FAM86B1: variants seen among roughly 807,000 people sequenced by gnomAD.
The protein encoded by FAM86B1 is putative protein N-methyltransferase FAM86B1.
For missense variants in FAM86B1, 13 were observed against 328.1 expected (o/e 0.04, Z 7.42); for synonymous variants, 4 against 137.6 (o/e 0.03, Z 6.79).
At chr8:12,193,169 C>G (rs942581676) in intron 1 of FAM86B1, among the ~76,000 whole-genome samples, 1 of 144,236 alleles carries the variant, frequency 6.9e-6, no homozygotes, top group Non-Finnish European at 1.5e-5. Context: ...ACCTATGATG[C>G]TTTTATGAAG....
At chr8:12,187,519 C>G (rs1184754912) in intron 3 of FAM86B1, among the ~76,000 whole-genome samples, 3 of 1,678 alleles carry the variant, frequency 1.8e-3, no homozygotes, top group Admixed American at 8.2e-3. Context: ...ACTACCACAC[C>G]CCGTTAATTT....
intron 1 of FAM86B1, among the ~76,000 whole-genome samples, chr8:12,192,747 C>G (rs1241650035): frequency 2.1e-5 from 3 of 146,166 alleles, no homozygotes; most frequent in Non-Finnish European, 4.5e-5. Flanking sequence ...TCCATGGTGC[C>G]TGGCTCACGG....
intron 2 of FAM86B1, among the ~76,000 whole-genome samples, chr8:12,191,076 G>A (rs1458491776): frequency 1.0e-4 from 15 of 145,494 alleles, no homozygotes; most frequent in Non-Finnish European, 3.0e-5. Context: ...GGATAATCTT[G>A]GTTCATCTCT....
Position 12,182,420 on chromosome 8 carries a change from T to C in FAM86B1, c.*1186A>G, listed in dbSNP as rs1222967305. 6 of 974,346 alleles carry C rather than the reference T, an allele frequency of 6.2e-6. No homozygotes were observed. In the East Asian group the frequency reaches 1.1e-4, roughly 18 times the overall value. The allele number at this position is 974,346 out of a possible 1,614,324, so 60.4% of individuals were successfully genotyped here. A position where few individuals can be genotyped will look rare whatever the true frequency, so the allele number is the denominator to read the frequency against. On this transcript the variant is annotated 3_prime_UTR_variant, in exon 7 of 7. Transcript: ENST00000448228. ...TGGAGCGCTGCTGGGTTGTGAAGGG[T>C]CTCAAGTCCAAGTGAGGGGGGTTGT...
In FAM86B1 at chr8:12,182,358, G is replaced by C; in HGVS notation, c.*1248C>G. ...CCAAGTGTGGGAAAGTGGGACATAC[G>C]GGGAAGTTTCCAGAAAGCATGATGT... On this transcript the variant is annotated 3_prime_UTR_variant, in exon 7 of 7. Transcript: ENST00000448228. 2.0e-6 allele frequency: 1 copy of C among 509,138 alleles called. No homozygotes were observed. Among genetic ancestry groups the C allele is most frequent in the Non-Finnish European group, 3.5e-6 (1 of 286,686 alleles). The allele number at this position is 509,138 out of a possible 1,614,324, so 31.5% of individuals were successfully genotyped here. A position where few individuals can be genotyped will look rare whatever the true frequency, so the allele number is the denominator to read the frequency against.
chr8:12,193,348 A>G (rs75160822), intron 1 of FAM86B1, among the ~76,000 whole-genome samples: 3 of 143,948 alleles, frequency 2.1e-5, no homozygotes, highest in Non-Finnish European at 4.5e-5. Context: ...AGTGAGCTCA[A>G]TGCACATGAA....
chr8:12,189,243 T>C (rs1262815723), intron 3 of FAM86B1, among the ~76,000 whole-genome samples: 4 of 144,152 alleles, frequency 2.8e-5, no homozygotes, highest in Non-Finnish European at 4.5e-5. Context: ...TGAGACTCTG[T>C]CTCAAAAAAA....
At chr8:12,194,449 A>G (rs1363809917), upstream of FAM86B1, 908 of 443,136 alleles carry the variant, frequency 2.0e-3, 8 homozygotes, top group African/African-American at 0.021. Context: ...TAGGGCGCGG[A>G]TAAACGCCAT....
chr8:12,182,297 G>GT lies in FAM86B1; in HGVS notation c.*1308dup. The GT allele has an allele frequency of 3.7e-6, 1 of 267,886 alleles. No homozygotes were observed. The highest frequency in any genetic ancestry group is 4.0e-5 in the South Asian group (1 of 24,830). 16.6% of individuals were successfully genotyped at this position (267,886 alleles called of 1,614,324 possible). A position where few individuals can be genotyped will look rare whatever the true frequency, so the allele number is the denominator to read the frequency against. ...GAGAGGAGGGTGCTCACAGGGGAAC[G>GT]TACAGCATGTAGAGGCCGGAAGGTG... On this transcript the variant is annotated 3_prime_UTR_variant, in exon 7 of 7. Coordinates refer to ENST00000448228, the MANE Select transcript of FAM86B1 (RefSeq NM_001083537.4).
At position 12,189,257 on chromosome 8, in the gene FAM86B1, T is replaced by TATAAATAA. The variant is rs777926231; in HGVS notation, c.240+543_240+550dup. Among the ~76,000 whole-genome samples the TATAAATAA allele has an allele frequency of 1.5e-4, 12 of 82,494 alleles. 3 individuals are homozygous for TATAAATAA. The highest frequency in any genetic ancestry group is 2.3e-4 in the Non-Finnish European group (10 of 43,714). The allele number at this position is 82,494 out of a possible 152,430, so 54.1% of individuals were successfully genotyped here. On this transcript the variant is annotated intron_variant, in intron 3 of 6. Coordinates refer to ENST00000448228, the MANE Select transcript of FAM86B1 (RefSeq NM_001083537.4). ...GTGAGACTCTGTCTCAAAAAAAATA[T>TATAAATAA]ATAAATAAATAAATAAATAAATAAA... is the stretch of plus-strand genomic sequence containing the variant.
At chr8:12,189,299 TAAGTAAAA>T (rs1296862972) in intron 3 of FAM86B1, among the ~76,000 whole-genome samples, 52 of 52,670 alleles carry the variant, frequency 9.9e-4, no homozygotes, top group Admixed American at 1.5e-3. Context: ...AATAAATAAA[TAAGTAAAA>T]AATAAAATCC....
chr8:12,191,007 C>T, intron 2 of FAM86B1, among the ~76,000 whole-genome samples: 1 of 141,032 alleles, frequency 7.1e-6, no homozygotes, highest in African/African-American at 2.7e-5. Flanking sequence ...ATGCTCGAAG[C>T]CCTGACCTAC....
At chr8:12,184,103 C>A (rs1351898596) in intron 6 of FAM86B1, among the ~76,000 whole-genome samples, 1 of 59,402 alleles carries the variant, frequency 1.7e-5, no homozygotes, top group Non-Finnish European at 2.9e-5. Flanking sequence ...GAGGCTTATA[C>A]TATGTGTGCT....
upstream of FAM86B1, chr8:12,194,869 C>G (rs866207235): frequency 0.026 from 3,646 of 141,952 alleles, 7 homozygotes; most frequent in Middle Eastern, 0.062. Context: ...AGGAGGGGAT[C>G]GGAATGTGGC....
intron 2 of FAM86B1, among the ~76,000 whole-genome samples, chr8:12,191,067 G>T (rs1266690352): frequency 6.9e-6 from 1 of 144,446 alleles, no homozygotes; most frequent in Non-Finnish European, 1.5e-5. Context: ...TTTCCACGTG[G>T]ATAATCTTGG....
intron 5 of FAM86B1, 137 bp downstream of exon 5, chr8:12,186,215 G>C: frequency 1.1e-6 from 1 of 916,146 alleles, no homozygotes; most frequent in Non-Finnish European, 1.4e-6. Context: ...TGTCACCCTG[G>C]AGGCCCAGAG....
At chr8:12,191,627 C>T (rs1368469809) in intron 2 of FAM86B1, among the ~76,000 whole-genome samples, 152 bp downstream of exon 2, 4 of 141,144 alleles carry the variant, frequency 2.8e-5, no homozygotes, top group African/African-American at 6.0e-5. Flanking sequence ...GTCGGAGGTG[C>T]TGACACCCTC....
chr8:12,194,225 G>T (rs1462490332), upstream of FAM86B1: 7 of 805,532 alleles, frequency 8.7e-6, no homozygotes, highest in Non-Finnish European at 1.4e-5. Context: ...ACTCTAGGGC[G>T]GGGCCAAGAT....
intron 1 of FAM86B1, among the ~76,000 whole-genome samples, chr8:12,192,972 G>C (rs1468728237): frequency 8.3e-5 from 12 of 144,548 alleles, no homozygotes; most frequent in Middle Eastern, 3.5e-3. Context: ...GCCAGGGGTT[G>C]GGCCAGGATT....
Sources: gnomAD v4.1 joint callset for allele counts (sites outside exome capture counted in the v4.1 genomes callset) on GRCh38, gnomAD v4.1.1 for gene constraint, MANE v1.5 for transcripts, NCBI Gene and HGNC (gene_info 2026-07-23, HGNC 2026-07-21) for gene names.